Variants in SEMA6D observed in about 807,000 individuals in gnomAD.
The protein encoded by SEMA6D is semaphorin 6D.
A neutral mutation model predicts 106.6 loss-of-function variants in SEMA6D; 35 were observed. The ratio of observed to expected loss-of-function variants is 0.33; its 90% confidence interval spans 0.25 to 0.44. The LOEUF is 0.44. Among genes scored for constraint, SEMA6D ranks in the 20% least tolerant of loss-of-function variants. SEMA6D has a pLI of 1.00. For synonymous variants in SEMA6D, 499 were observed against 487.7 expected, an observed-to-expected ratio of 1.02 and a Z score of -0.31; for missense variants, 1,185 against 1,345.9, an observed-to-expected ratio of 0.88 and a Z score of 1.87.
intron 1 of SEMA6D, among the ~76,000 whole-genome samples, chr15:47,304,701 T>C (rs994087837): frequency 5.3e-5 from 8 of 152,134 alleles, no homozygotes; most frequent in Non-Finnish European, 8.8e-5. Context: ...TGCTAGAAAG[T>C]CTCTTGTTCT....
At chr15:47,594,078 C>T (rs1412214765) in intron 3 of SEMA6D, among the ~76,000 whole-genome samples, 1 of 152,226 alleles carries the variant, frequency 6.6e-6, no homozygotes, top group Non-Finnish European at 1.5e-5. Flanking sequence ...TTCATCAGTG[C>T]ATAGACAACA....
chr15:47,748,983 C>G (rs1306173636), intron 1 of SEMA6D, among the ~76,000 whole-genome samples: 2 of 151,226 alleles, frequency 1.3e-5, no homozygotes, highest in Non-Finnish European at 2.9e-5. Context: ...GAGACGGGGC[C>G]GTCTAGGAAG....
chr15:47,352,385 C>G (rs1434778546), intron 1 of SEMA6D, among the ~76,000 whole-genome samples: 1 of 152,094 alleles, frequency 6.6e-6, no homozygotes, highest in East Asian at 1.9e-4. Context: ...TTATCTTTAA[C>G]AAGCTGTCTT....
Position 47,224,538 on chromosome 15 carries a change from T to C in SEMA6D, c.-239+40120T>C, listed in dbSNP as rs549038978. ...GAAGTGCAGACTGTGAAAATGACGT[T>C]TTATCTCAGATCTCTTTAACTTCCA... is the stretch of plus-strand genomic sequence containing the variant. On this transcript the variant is annotated intron_variant, in intron 1 of 19. Coordinates refer to the SEMA6D transcript ENST00000558014. Among the ~76,000 whole-genome samples, 16 of 152,244 alleles carry C rather than the reference T, an allele frequency of 1.1e-4. No homozygotes were observed. In the South Asian group the frequency reaches 3.3e-3, roughly 32 times the overall value.
intron 1 of SEMA6D, among the ~76,000 whole-genome samples, chr15:47,392,180 A>G (rs2040058538): frequency 6.6e-6 from 1 of 152,332 alleles, no homozygotes; most frequent in South Asian, 2.1e-4. Context: ...CAGTTTTCTC[A>G]GTTCTTCTGA....
chr15:47,208,039 A>G (rs899935881), intron 1 of SEMA6D, among the ~76,000 whole-genome samples: 1 of 140,494 alleles, frequency 7.1e-6, no homozygotes, highest in Non-Finnish European at 1.5e-5. Flanking sequence ...ACACACACAC[A>G]CACACACACA....
intron 4 of SEMA6D, among the ~76,000 whole-genome samples, chr15:47,615,828 A>C (rs2144033753): frequency 6.6e-6 from 1 of 152,354 alleles, no homozygotes; most frequent in South Asian, 2.1e-4. Context: ...AAAATATGAA[A>C]ACCATTTCAG....
intron 1 of SEMA6D, among the ~76,000 whole-genome samples, chr15:47,332,105 AT>A (rs932267093): frequency 6.6e-6 from 1 of 152,192 alleles, no homozygotes; most frequent in African/African-American, 2.4e-5. Context: ...TAGTTTACTT[AT>A]CTGAAGAATG....
chr15:47,748,289 C>A (rs1333964321), intron 1 of SEMA6D, among the ~76,000 whole-genome samples: 3 of 152,156 alleles, frequency 2.0e-5, no homozygotes, highest in Non-Finnish European at 4.4e-5. Flanking sequence ...TTTGATGTGG[C>A]CTGTGTGCCA....
intron 4 of SEMA6D, among the ~76,000 whole-genome samples, chr15:47,706,133 A>C (rs944577250): frequency 1.1e-4 from 17 of 152,206 alleles, no homozygotes; most frequent in Non-Finnish European, 4.4e-5. Context: ...TCTCACTGCT[A>C]AAGTGGGATC....
At chr15:47,494,791 A>G (rs867849278) in intron 3 of SEMA6D, among the ~76,000 whole-genome samples, 12 of 56,948 alleles carry the variant, frequency 2.1e-4, no homozygotes, top group South Asian at 6.2e-4. Context: ...TATATATATA[A>G]TCTCCAGATA....
chr15:47,514,765 T>C (rs1351973576), intron 3 of SEMA6D, among the ~76,000 whole-genome samples: 1 of 152,150 alleles, frequency 6.6e-6, no homozygotes, highest in East Asian at 1.9e-4. Flanking sequence ...TTGAAAAAGC[T>C]TTCAGTGGAT....
chr15:47,553,253 A>G (rs925991507), intron 3 of SEMA6D, among the ~76,000 whole-genome samples: 1 of 152,022 alleles, frequency 6.6e-6, no homozygotes, highest in Non-Finnish European at 1.5e-5. Flanking sequence ...CAAAAGTTAC[A>G]GGTGAAATTC....
In SEMA6D at chr15:47,763,341, C is replaced by T. The variant is rs536566706; in HGVS notation, c.747+237C>T. Among the ~76,000 whole-genome samples, 4 of 152,246 alleles carry T rather than the reference C, an allele frequency of 2.6e-5. No homozygotes were observed. In the East Asian group the frequency reaches 7.7e-4, roughly 29 times the overall value. ...TGAGAAGGTATCGTTTTTTTTCCTGCAGCCACAGAGAGTGTTCTACAGGTA... is the reference window on the plus strand; with the variant it reads ...TGAGAAGGTATCGTTTTTTTTCCTGTAGCCACAGAGAGTGTTCTACAGGTA... On this transcript the variant is annotated intron_variant, in intron 9 of 18. Coordinates refer to ENST00000536845, the MANE Select transcript of SEMA6D (RefSeq NM_001358351.3).
At chr15:47,228,351 C>T (rs2031954206) in intron 1 of SEMA6D, among the ~76,000 whole-genome samples, 2 of 151,784 alleles carry the variant, frequency 1.3e-5, no homozygotes, top group Non-Finnish European at 1.5e-5. Context: ...AAGTTTACTG[C>T]TTATTTCTTT....
chr15:47,286,984 A>T (rs539608019), intron 1 of SEMA6D, among the ~76,000 whole-genome samples: 1 of 152,092 alleles, frequency 6.6e-6, no homozygotes, highest in Non-Finnish European at 1.5e-5. Context: ...TCTGACATAC[A>T]TTTCTCCCCC....
In SEMA6D at chr15:47,771,683, G is replaced by A. The variant is rs747328619; in HGVS notation, c.3120G>A (p.Thr1040=). ...SYTSNGTLPR[T]GLKRTPSLKP... is the part of the protein sequence containing the mutation. ...CCAGTAATGGCACTCTTCCTAGGACGGGACTAAAGAGGACGCCGTCCTTAA... is the reference window on the plus strand; with the variant it reads ...CCAGTAATGGCACTCTTCCTAGGACAGGACTAAAGAGGACGCCGTCCTTAA... Residue 1040 remains threonine, a synonymous_variant, in exon 19 of 19, where the codon ACG becomes ACA. Coordinates refer to ENST00000536845, the MANE Select transcript of SEMA6D (RefSeq NM_001358351.3). The A allele has an allele frequency of 1.5e-5, 24 of 1,613,922 alleles. No individual in the cohort carries two copies. Among genetic ancestry groups the A allele is most frequent in the Non-Finnish European group, 1.9e-5 (23 of 1,179,970 alleles).
chr15:47,185,381 T>A (rs535608468), intron 1 of SEMA6D, among the ~76,000 whole-genome samples: 1 of 152,156 alleles, frequency 6.6e-6, no homozygotes, highest in African/African-American at 2.4e-5. Flanking sequence ...ATTTCCCCCA[T>A]TGAAATTGTT....
At chr15:47,262,665 A>G (rs1438839271) in intron 1 of SEMA6D, among the ~76,000 whole-genome samples, 1 of 152,124 alleles carries the variant, frequency 6.6e-6, no homozygotes, top group Non-Finnish European at 1.5e-5. Flanking sequence ...TCAAACTACC[A>G]TTGGCATTCT....
Sources: allele counts gnomAD v4.1 joint callset (sites outside exome capture counted in the v4.1 genomes callset), GRCh38; gene constraint gnomAD v4.1.1; transcripts MANE v1.5; gene names NCBI Gene and HGNC (gene_info 2026-07-23, HGNC 2026-07-21).